Variants in SLC24A2 observed in about 807,000 individuals in gnomAD.
SLC24A2 encodes solute carrier family 24 member 2.
SLC24A2 carries 36 observed loss-of-function variants against 62.0 expected under a neutral mutation model. That is an observed-to-expected ratio of 0.58 (90% CI 0.44 to 0.77). SLC24A2 has a LOEUF of 0.77. Ranked by LOEUF, SLC24A2 falls within the 30% of genes least tolerant of loss-of-function variation. The probability of loss-of-function intolerance (pLI) is 0.00; values close to 1 mark genes in which losing one functional copy is unlikely to be tolerated. For synonymous variants in SLC24A2, 358 were observed against 294.0 expected (o/e 1.22, Z -2.23); for missense variants, 846 against 817.9 (o/e 1.03, Z -0.42).
chr9:20,273,213 C>A, the SLC24A2 span, among the ~76,000 whole-genome samples: 1 of 152,192 alleles, frequency 6.6e-6, no homozygotes, highest in Admixed American at 6.6e-5. Flanking sequence ...AGAAAGGTCA[C>A]CCTCAGACAC....
At chr9:19,642,037 C>G (rs1452581259) in intron 2 of SLC24A2, among the ~76,000 whole-genome samples, 2 of 152,032 alleles carry the variant, frequency 1.3e-5, no homozygotes, top group African/African-American at 4.8e-5. Context: ...GTGGAAGGAG[C>G]AGTCGTTGGG....
In SLC24A2 at chr9:19,786,395, C is replaced by A. The variant is rs776862804; in HGVS notation, c.472G>T (p.Val158Phe). Residue 158 changes from valine (V) to phenylalanine (F), a missense_variant, in exon 2 of 11, where the codon GTT becomes TTT. Transcript: ENST00000341998. This position sits in a 1 kb window ranked among gnomAD's most constrained non-coding sequence, Gnocchi z 5.0. ...TCAGTGATGACAGTCAAAGAAGGAA[C>A]AAAGAACTCATCACAGACAATGGCT... is the stretch of plus-strand genomic sequence containing the variant. The part of the protein sequence containing the change: ...ALAIVCDEFF[V>F]PSLTVITEKL... 6.2e-7 allele frequency: 1 copy of A among 1,614,198 alleles called. No individual in the cohort carries two copies. The highest frequency in any genetic ancestry group is 1.1e-5 in the South Asian group (1 of 91,090).
At chr9:20,046,198 G>A in the SLC24A2 span, among the ~76,000 whole-genome samples, 1 of 152,342 alleles carries the variant, frequency 6.6e-6, no homozygotes, top group Middle Eastern at 3.4e-3. Flanking sequence ...CCAAAATAAA[G>A]ACAAGTGCCC....
chr9:19,726,365 T>TCG (rs1352357149), intron 2 of SLC24A2, among the ~76,000 whole-genome samples: 1 of 152,244 alleles, frequency 6.6e-6, no homozygotes, highest in Non-Finnish European at 1.5e-5. Flanking sequence ...TTCTATATTT[T>TCG]CGTGTGTGCG....
chr9:20,249,685 G>A, the SLC24A2 span, among the ~76,000 whole-genome samples: 803 of 126,218 alleles, frequency 6.4e-3, 11 homozygotes, highest in African/African-American at 0.025. Context: ...AGCCTGGGCA[G>A]CAGATTGAAA....
the SLC24A2 span, among the ~76,000 whole-genome samples, chr9:20,028,889 C>T: frequency 6.6e-6 from 1 of 152,132 alleles, no homozygotes; most frequent in African/African-American, 2.4e-5. Flanking sequence ...TGAGAAAAAG[C>T]CCTAAAATAA....
At chr9:19,788,503 A>C in intron 1 of SLC24A2, 2 of 985,342 alleles carry the variant, frequency 2.0e-6, no homozygotes, top group Non-Finnish European at 2.4e-6. Context: ...GATTAATAGG[A>C]AAATAAATCT....
At chr9:19,843,552 G>T in the SLC24A2 span, among the ~76,000 whole-genome samples, 1 of 152,072 alleles carries the variant, frequency 6.6e-6, no homozygotes, top group Admixed American at 6.6e-5. Flanking sequence ...GATTCAGGGG[G>T]TCCATGTGCA....
chr9:20,117,926 C>G, the SLC24A2 span, among the ~76,000 whole-genome samples: 6 of 151,998 alleles, frequency 3.9e-5, no homozygotes, highest in Non-Finnish European at 7.4e-5. Context: ...AAATAACTCC[C>G]AAGGTTATTA....
intron 3 of SLC24A2, 128 bp downstream of exon 3, chr9:19,622,133 G>A (rs1333011676): frequency 7.8e-6 from 6 of 766,728 alleles, no homozygotes; most frequent in Non-Finnish European, 1.4e-5. Flanking sequence ...CACATCAGGG[G>A]TTAGATTATT....
chr9:20,245,367 C>G, the SLC24A2 span, among the ~76,000 whole-genome samples: 5 of 152,270 alleles, frequency 3.3e-5, no homozygotes, highest in African/African-American at 1.2e-4. Context: ...TGAGACAAGA[C>G]AGGTGAGAGG....
the SLC24A2 span, among the ~76,000 whole-genome samples, chr9:19,976,712 T>A: frequency 1.1e-3 from 171 of 152,328 alleles, 4 homozygotes; most frequent in East Asian, 0.031. Flanking sequence ...CCATTTGGTA[T>A]AAGAAATTTG....
At chr9:20,113,868 C>G in the SLC24A2 span, among the ~76,000 whole-genome samples, 1 of 152,074 alleles carries the variant, frequency 6.6e-6, no homozygotes, top group African/African-American at 2.4e-5. Context: ...CATAAAACAA[C>G]TAAAGCAATC....
the SLC24A2 span, among the ~76,000 whole-genome samples, chr9:20,065,274 G>A: frequency 6.6e-6 from 1 of 152,212 alleles, no homozygotes; most frequent in Non-Finnish European, 1.5e-5. Flanking sequence ...GCTTCCAGCA[G>A]TCTCCCAGAC....
the SLC24A2 span, among the ~76,000 whole-genome samples, chr9:20,173,482 G>A: frequency 6.6e-6 from 1 of 152,042 alleles, no homozygotes; most frequent in African/African-American, 2.4e-5. Flanking sequence ...ATTCAGCAAA[G>A]TTTCCAGATA....
At chr9:19,910,788 T>C in the SLC24A2 span, among the ~76,000 whole-genome samples, 1 of 152,152 alleles carries the variant, frequency 6.6e-6, no homozygotes, top group African/African-American at 2.4e-5. Context: ...GAATCCTTCC[T>C]GGAGGGAAGA....
chr9:19,616,441 C>T (rs961321831), intron 4 of SLC24A2, among the ~76,000 whole-genome samples: 1 of 152,196 alleles, frequency 6.6e-6, no homozygotes, highest in African/African-American at 2.4e-5. Context: ...GAACTGGGAT[C>T]TGGACCCAGA....
the SLC24A2 span, among the ~76,000 whole-genome samples, chr9:20,125,695 G>A: frequency 2.0e-5 from 3 of 152,100 alleles, no homozygotes; most frequent in African/African-American, 7.2e-5. Flanking sequence ...TTTATTTGGG[G>A]CTCCAGAGCA....
At chr9:19,723,671 C>A (rs562961324) in intron 2 of SLC24A2, among the ~76,000 whole-genome samples, 1 of 152,160 alleles carries the variant, frequency 6.6e-6, no homozygotes, top group Admixed American at 6.6e-5. Context: ...ATGGACATGT[C>A]ATTTACTGTC....
Sources: allele counts gnomAD v4.1 joint callset (sites outside exome capture counted in the v4.1 genomes callset), GRCh38; gene constraint gnomAD v4.1.1; non-coding constraint Gnocchi (gnomAD v3.1); transcripts MANE v1.5; gene names NCBI Gene and HGNC (gene_info 2026-07-23, HGNC 2026-07-21).